LRRC56: variants seen among roughly 807,000 people sequenced by gnomAD.
The protein encoded by LRRC56 is leucine-rich repeat-containing protein 56.
LRRC56 carries 41 observed loss-of-function variants against 47.8 expected under a neutral mutation model. The observed-to-expected ratio is 0.86, with a 90% confidence interval of 0.67 to 1.11. LRRC56 has a LOEUF of 1.11. Among genes scored for constraint, LRRC56 ranks in the 50% most tolerant of loss-of-function variants. The probability of loss-of-function intolerance (pLI) is 0.00; values close to 1 mark genes in which losing one functional copy is unlikely to be tolerated. For missense variants in LRRC56, 759 were observed against 704.2 expected (o/e 1.08, Z -0.88); for synonymous variants, 387 against 311.2 (o/e 1.24, Z -2.56).
the LRRC56 span, chr11:507,035 C>T: frequency 1.3e-5 from 2 of 152,268 alleles, no homozygotes; most frequent in African/African-American, 4.8e-5. Flanking sequence ...GCGCCAGGCC[C>T]GCGTCTACAA....
intron 6 of LRRC56, among the ~76,000 whole-genome samples, chr11:547,505 A>C (rs886178227): frequency 3.3e-5 from 5 of 151,610 alleles, no homozygotes; most frequent in African/African-American, 1.2e-4. Flanking sequence ...GGCGCCTGCC[A>C]CCACGCCCGG....
the LRRC56 span, chr11:507,175 C>T: frequency 1.3e-5 from 2 of 152,240 alleles, no homozygotes; most frequent in Non-Finnish European, 2.9e-5. Context: ...CTACTTCGTT[C>T]TCGAGCCAGC....
the LRRC56 span, among the ~76,000 whole-genome samples, chr11:525,401 T>A: frequency 6.6e-6 from 1 of 151,690 alleles, no homozygotes; most frequent in Admixed American, 6.6e-5. Context: ...TAGCCGGCCG[T>A]GGTGGCGGCC....
upstream of LRRC56, chr11:532,763 A>G (rs373444310): frequency 2.4e-5 from 39 of 1,611,940 alleles, no homozygotes; most frequent in Non-Finnish European, 3.3e-5. Context: ...TCCCTGGGAA[A>G]GGAGGGATGG....
At chr11:511,912 G>T in the LRRC56 span, among the ~76,000 whole-genome samples, 3 of 152,110 alleles carry the variant, frequency 2.0e-5, no homozygotes, top group Non-Finnish European at 4.4e-5. Context: ...AGCATGAGAG[G>T]TCTTGATCAG....
chr11:547,767 T>C (rs1294737706), intron 6 of LRRC56, among the ~76,000 whole-genome samples: 1 of 152,184 alleles, frequency 6.6e-6, no homozygotes, highest in Non-Finnish European at 1.5e-5. Flanking sequence ...AAATTAAATA[T>C]GATGCACTAC....
At chr11:534,544 G>T, upstream of LRRC56, 1 of 595,194 alleles carries the variant, frequency 1.7e-6, no homozygotes, top group East Asian at 2.8e-5. Flanking sequence ...CAGCGTGCGG[G>T]AGGGCTGTCG....
At chr11:532,585 G>T, upstream of LRRC56, 1 of 1,587,146 alleles carries the variant, frequency 6.3e-7, no homozygotes. Flanking sequence ...GCGGGGAGCC[G>T]GGGTCATCCG....
chr11:524,651 TTAAAA>T, the LRRC56 span, among the ~76,000 whole-genome samples: 18 of 151,660 alleles, frequency 1.2e-4, no homozygotes, highest in East Asian at 3.3e-3. Flanking sequence ...AATTAATTAA[TTAAAA>T]TAAAATAAAA....
At chr11:516,895 G>A in the LRRC56 span, among the ~76,000 whole-genome samples, 3 of 152,142 alleles carry the variant, frequency 2.0e-5, no homozygotes, top group African/African-American at 7.2e-5. Context: ...TGTTGCCGAG[G>A]CTGGACTGTA....
intron 6 of LRRC56, among the ~76,000 whole-genome samples, chr11:546,429 G>A (rs957386114): frequency 2.0e-5 from 3 of 151,838 alleles, no homozygotes; most frequent in Admixed American, 1.3e-4. Flanking sequence ...TTAGCCGGGC[G>A]TGGTGGTGGG....
chr11:527,354 C>A, the LRRC56 span, among the ~76,000 whole-genome samples: 21 of 152,136 alleles, frequency 1.4e-4, no homozygotes, highest in African/African-American at 5.1e-4. Context: ...GAGCACCTTG[C>A]GCAGTGAACT....
At position 550,138 on chromosome 11, in the gene LRRC56, G is replaced by C. The variant is rs1564805326; in HGVS notation, c.490G>C (p.Val164Leu). 1.9e-6 allele frequency: 3 copies of C among 1,613,420 alleles called. No homozygotes were observed. The highest frequency in any genetic ancestry group is 2.5e-6 in the Non-Finnish European group (3 of 1,179,904). Residue 164 changes from valine (V) to leucine (L), a missense_variant, in exon 8 of 14, where the codon GTG (valine) becomes CTG (leucine). Coordinates refer to ENST00000270115, the MANE Select transcript of LRRC56 (RefSeq NM_198075.4). The part of the protein sequence containing the change: ...SPLCLLEQLE[V>L]LDLEGNSVED... The stretch of plus-strand genomic sequence containing the variant: ...ACTGTGCCTGCTGGAACAATTGGAG[G>C]TGCTGGACCTGGAGGGCAACAGCGT...
chr11:552,577 C>T lies in LRRC56; in HGVS notation c.1190C>T (p.Pro397Leu). 1 of 1,604,008 alleles carries T rather than the reference C, an allele frequency of 6.2e-7. No homozygotes were observed. Among genetic ancestry groups the T allele is most frequent in the Non-Finnish European group, 8.5e-7 (1 of 1,175,872 alleles). Residue 397 changes from proline to leucine, a missense_variant, in exon 13 of 14, where the codon CCC (proline) becomes CTC (leucine). Transcript: ENST00000270115. ...AWREHGVRPL[P>L]YRHPESQQEG... ...TCCTCTCCCCACCCTAGCCCCCTCC[C>T]CTATAGGCACCCGGAGTCCCAACAG...
chr11:526,698 A>G, the LRRC56 span, among the ~76,000 whole-genome samples: 1 of 152,168 alleles, frequency 6.6e-6, no homozygotes, highest in Non-Finnish European at 1.5e-5. Flanking sequence ...GCACTTTGGG[A>G]GGCCCAGGTG....
chr11:524,150 G>A, the LRRC56 span, among the ~76,000 whole-genome samples: 9 of 152,204 alleles, frequency 5.9e-5, no homozygotes, highest in African/African-American at 1.4e-4. Context: ...TGCACCACAC[G>A]TGGAAAAATG....
Position 554,881 on chromosome 11 carries a change from G to T in LRRC56, c.*605G>T. Reference sequence around the variant, plus strand: ...GTACAGAAATGCGGTTTACTTTGTAGGCCACGTTGGTTCAATAAATGATGC... The same window carrying T: ...GTACAGAAATGCGGTTTACTTTGTATGCCACGTTGGTTCAATAAATGATGC... On this transcript the variant is annotated 3_prime_UTR_variant, in exon 14 of 14. Coordinates refer to ENST00000270115, the MANE Select transcript of LRRC56 (RefSeq NM_198075.4). The T allele has an allele frequency of 1.2e-6, 1 of 833,542 alleles. No individual in the cohort carries two copies. Among genetic ancestry groups the T allele is most frequent in the Non-Finnish European group, 1.7e-6 (1 of 572,194 alleles). The allele number at this position is 833,542 out of a possible 1,614,324, so 51.6% of individuals were successfully genotyped here.
intron 12 of LRRC56, 125 bp downstream of exon 12, chr11:552,357 C>A: frequency 7.2e-7 from 1 of 1,384,156 alleles, no homozygotes; most frequent in Non-Finnish European, 9.9e-7. Context: ...TGTCCTGTCC[C>A]GTGGGGGGAT....
chr11:540,739 C>T lies in LRRC56; in HGVS notation c.55C>T (p.Arg19Trp), dbSNP rs576330767. ...GCCTCGGCGGAGCACCTCCAGCGTCCGGGTGCGGGAGCTGAGCTGGCAAGG... is the reference window on the plus strand; with the variant it reads ...GCCTCGGCGGAGCACCTCCAGCGTCTGGGTGCGGGAGCTGAGCTGGCAAGG... ...RGPRRSTSSV[R>W]VRELSWQGLH... Residue 19 changes from arginine (R) to tryptophan (W), a missense_variant, in exon 4 of 14, where the codon CGG becomes TGG. By Grantham distance (101) the Arg-to-Trp change is moderately radical. Coordinates refer to ENST00000270115, the MANE Select transcript of LRRC56 (RefSeq NM_198075.4). 23 of 1,611,214 alleles carry T rather than the reference C, an allele frequency of 1.4e-5. No homozygotes were observed. The highest frequency in any genetic ancestry group is 4.0e-5 in the African/African-American group (3 of 75,018).
Sources: allele counts gnomAD v4.1 joint callset (sites outside exome capture counted in the v4.1 genomes callset), GRCh38; gene constraint gnomAD v4.1.1; transcripts MANE v1.5; gene names NCBI Gene and HGNC (gene_info 2026-07-23, HGNC 2026-07-21).